AUTS2: variants seen among roughly 807,000 people sequenced by gnomAD.
The protein encoded by AUTS2 is autism susceptibility gene 2 protein.
Under a neutral mutation model 112.4 loss-of-function variants are expected in AUTS2, and 17 were observed. The observed-to-expected ratio is 0.15, with a 90% CI of 0.10 to 0.23. The LOEUF is 0.23. Among genes scored for constraint, AUTS2 ranks in the 10% least tolerant of loss-of-function variants. The pLI is 1.00. For missense variants in AUTS2, 1,510 were observed against 1,701.6 expected, an observed-to-expected ratio of 0.89 and a Z score of 1.98; for synonymous variants, 751 against 702.7, an observed-to-expected ratio of 1.07 and a Z score of -1.09.
intron 5 of AUTS2, among the ~76,000 whole-genome samples, chr7:70,516,240 A>G (rs1462538690): frequency 6.6e-6 from 1 of 152,112 alleles, no homozygotes; most frequent in East Asian, 1.9e-4. Flanking sequence ...TTCTCCCCTC[A>G]CTAAGAGTCT....
intron 5 of AUTS2, among the ~76,000 whole-genome samples, chr7:70,641,006 C>A (rs1805798614): frequency 6.6e-6 from 1 of 152,184 alleles, no homozygotes; most frequent in Non-Finnish European, 1.5e-5. Context: ...TCAAAGTCAT[C>A]CACAGTTGCT....
intron 4 of AUTS2, among the ~76,000 whole-genome samples, chr7:70,413,921 C>T (rs1370985264): frequency 3.3e-5 from 5 of 152,072 alleles, no homozygotes; most frequent in African/African-American, 1.2e-4. Flanking sequence ...GCAATATGCC[C>T]GCCTCGGCCT....
At chr7:70,048,980 G>A (rs1024137707) in intron 2 of AUTS2, among the ~76,000 whole-genome samples, 1 of 152,094 alleles carries the variant, frequency 6.6e-6, no homozygotes, top group African/African-American at 2.4e-5. Context: ...GTCATGTTTT[G>A]TGGGGTTTTC....
At chr7:70,717,676 A>G (rs1810455223) in intron 6 of AUTS2, among the ~76,000 whole-genome samples, 1 of 152,174 alleles carries the variant, frequency 6.6e-6, no homozygotes, top group Non-Finnish European at 1.5e-5. Context: ...CTATCTGTGT[A>G]GCTTCCTCTT....
chr7:70,528,101 T>TATTTA (rs1554421869), intron 5 of AUTS2, among the ~76,000 whole-genome samples: 7 of 104,046 alleles, frequency 6.7e-5, no homozygotes, highest in African/African-American at 2.4e-4. Flanking sequence ...GGATTTTTTT[T>TATTTA]TTTTTTTTTT....
chr7:69,601,028 G>C (rs1048933499), intron 1 of AUTS2, among the ~76,000 whole-genome samples: 1 of 151,912 alleles, frequency 6.6e-6, no homozygotes, highest in Non-Finnish European at 1.5e-5. Context: ...TCCAGGGTTG[G>C]GGGGAAACTG....
chr7:70,479,174 G>A (rs565222024), intron 5 of AUTS2, among the ~76,000 whole-genome samples: 44 of 151,968 alleles, frequency 2.9e-4, no homozygotes, highest in Non-Finnish European at 5.3e-4. Context: ...ACCCTAGTGT[G>A]GACCCTTTTT....
intron 5 of AUTS2, among the ~76,000 whole-genome samples, chr7:70,549,697 A>C (rs1262027426): frequency 6.6e-6 from 1 of 152,198 alleles, no homozygotes; most frequent in African/African-American, 2.4e-5. Context: ...ATCTCTTAAA[A>C]AATTTTTTAA....
chr7:70,261,718 A>G (rs1413648174), intron 4 of AUTS2, among the ~76,000 whole-genome samples: 1 of 152,052 alleles, frequency 6.6e-6, no homozygotes, highest in Non-Finnish European at 1.5e-5. Context: ...ATTTGTTCCT[A>G]TTTTCTCCTC....
chr7:70,339,124 A>G (rs1791139056), intron 4 of AUTS2, among the ~76,000 whole-genome samples: 1 of 151,798 alleles, frequency 6.6e-6, no homozygotes, highest in Non-Finnish European at 1.5e-5. Context: ...CAGCCTCCCA[A>G]AGTGCTGGGA....
intron 5 of AUTS2, among the ~76,000 whole-genome samples, chr7:70,461,519 C>T (rs567646064): frequency 3.3e-5 from 5 of 152,250 alleles, no homozygotes; most frequent in East Asian, 1.9e-4. Context: ...GGTGCGCATC[C>T]GCTTTGAAGC....
intron 1 of AUTS2, among the ~76,000 whole-genome samples, chr7:69,883,086 C>T (rs1169429777): frequency 6.6e-6 from 1 of 152,048 alleles, no homozygotes; most frequent in Non-Finnish European, 1.5e-5. Flanking sequence ...TGTTCATGTT[C>T]GTAAAGCCAG....
chr7:70,423,694 T>C (rs991230105), intron 4 of AUTS2, among the ~76,000 whole-genome samples: 1 of 152,208 alleles, frequency 6.6e-6, no homozygotes, highest in Non-Finnish European at 1.5e-5. Flanking sequence ...AAGGTGTCTT[T>C]CCTTTTTGGT....
intron 5 of AUTS2, among the ~76,000 whole-genome samples, chr7:70,611,006 T>G (rs1804065275): frequency 6.6e-6 from 1 of 152,260 alleles, no homozygotes; most frequent in African/African-American, 2.4e-5. Flanking sequence ...CCTATTTGTC[T>G]ATTTTTGCCT....
chr7:70,693,853 C>T (rs781214393), intron 5 of AUTS2, among the ~76,000 whole-genome samples: 2 of 152,110 alleles, frequency 1.3e-5, no homozygotes, highest in Non-Finnish European at 2.9e-5. Context: ...AGGAAGGCAG[C>T]CGGGGGGAGC....
chr7:69,714,249 ATGTGTGTG>A (rs200192496), intron 1 of AUTS2, among the ~76,000 whole-genome samples: 61 of 92,868 alleles, frequency 6.6e-4, no homozygotes, highest in African/African-American at 1.9e-3. Flanking sequence ...GTGTGTGTAT[ATGTGTGTG>A]TGTGTGTGTG....
intron 5 of AUTS2, among the ~76,000 whole-genome samples, chr7:70,478,387 T>G (rs1365001218): frequency 6.6e-6 from 1 of 152,164 alleles, no homozygotes; most frequent in Non-Finnish European, 1.5e-5. Context: ...AGGTGCTTGC[T>G]TTGACAGATG....
At chr7:70,721,864 GTTAAAAGTA>G (rs1786701184) in intron 6 of AUTS2, among the ~76,000 whole-genome samples, 1 of 152,014 alleles carries the variant, frequency 6.6e-6, no homozygotes, top group South Asian at 2.1e-4. Flanking sequence ...TCATTTCAAT[GTTAAAAGTA>G]TCATGATGCT....
intron 5 of AUTS2, among the ~76,000 whole-genome samples, chr7:70,532,457 G>C (rs982081834): frequency 6.6e-6 from 1 of 152,098 alleles, no homozygotes; most frequent in Admixed American, 6.6e-5. Context: ...GTTATATGAA[G>C]GTGTAGTTGT....
Sources: allele counts gnomAD v4.1 joint callset (sites outside exome capture counted in the v4.1 genomes callset), GRCh38; gene constraint gnomAD v4.1.1; transcripts MANE v1.5; gene names NCBI Gene and HGNC (gene_info 2026-07-23, HGNC 2026-07-21).